NOL4: variants seen among roughly 807,000 people sequenced by gnomAD.
The protein encoded by NOL4 is cancer/testis antigen 125.
Under a neutral mutation model 75.9 loss-of-function variants are expected in NOL4, and 17 were observed. That is an observed-to-expected ratio of 0.22 (90% CI 0.15 to 0.34). The LOEUF is 0.34. Ranked by LOEUF, NOL4 falls within the 10% of genes least tolerant of loss-of-function variation. The pLI, the probability that NOL4 is intolerant of heterozygous loss-of-function variation, is 1.00. For missense variants in NOL4, 614 were observed against 793.5 expected, an observed-to-expected ratio of 0.77 and a Z score of 2.72; for synonymous variants, 292 against 289.9, an observed-to-expected ratio of 1.01 and a Z score of -0.07.
intron 2 of NOL4, among the ~76,000 whole-genome samples, chr18:34,126,004 A>G (rs902401345): frequency 4.0e-5 from 6 of 151,884 alleles, no homozygotes; most frequent in African/African-American, 1.5e-4. Context: ...AGTTATTACT[A>G]TTCCTGTCTA....
intron 1 of NOL4, among the ~76,000 whole-genome samples, chr18:34,194,741 T>C (rs1323305037): frequency 1.3e-5 from 2 of 152,084 alleles, no homozygotes; most frequent in East Asian, 3.9e-4. Context: ...ACTACCTACC[T>C]AGGCTGGGTG....
chr18:33,860,493 G>C (rs1388436787), intron 10 of NOL4, among the ~76,000 whole-genome samples: 1 of 151,934 alleles, frequency 6.6e-6, no homozygotes, highest in African/African-American at 2.4e-5. Flanking sequence ...TACTTCCTGA[G>C]ACTTTGCTGA....
At chr18:34,023,915 G>A (rs1331996738) in intron 5 of NOL4, among the ~76,000 whole-genome samples, 2 of 151,842 alleles carry the variant, frequency 1.3e-5, no homozygotes, top group African/African-American at 2.4e-5. Flanking sequence ...TGAATTAGTA[G>A]AGACCCTAGA....
intron 6 of NOL4, among the ~76,000 whole-genome samples, chr18:33,999,777 G>A (rs796657667): frequency 3.9e-5 from 6 of 151,952 alleles, no homozygotes; most frequent in African/African-American, 9.7e-5. Context: ...TCAGCCTCCC[G>A]AGTAGCTGGA....
At chr18:34,196,280 C>T (rs1470692485) in intron 1 of NOL4, among the ~76,000 whole-genome samples, 2 of 152,042 alleles carry the variant, frequency 1.3e-5, no homozygotes, top group African/African-American at 2.4e-5. Context: ...TAAGGACAGT[C>T]AACTAGCTTA....
intron 5 of NOL4, among the ~76,000 whole-genome samples, chr18:34,081,246 A>G (rs9946634): frequency 0.013 from 2,032 of 152,308 alleles, 48 homozygotes; most frequent in African/African-American, 0.047. Flanking sequence ...AGTAACTTCA[A>G]TTAATAATAT....
At chr18:34,031,716 C>T (rs2075647982) in intron 5 of NOL4, among the ~76,000 whole-genome samples, 1 of 152,310 alleles carries the variant, frequency 6.6e-6, no homozygotes, top group South Asian at 2.1e-4. Context: ...GAGGCATCTG[C>T]TCACCTGAAA....
chr18:34,152,148 T>TA (rs2081668673), intron 1 of NOL4, among the ~76,000 whole-genome samples: 1 of 151,928 alleles, frequency 6.6e-6, no homozygotes. Context: ...TAACTTATTT[T>TA]AATGTTATTT....
At chr18:34,136,350 T>A (rs561297370) in intron 1 of NOL4, among the ~76,000 whole-genome samples, 1 of 152,062 alleles carries the variant, frequency 6.6e-6, no homozygotes, top group African/African-American at 2.4e-5. Flanking sequence ...GGAAAATTAA[T>A]CAGGGAAAAG....
Position 33,852,973 on chromosome 18 carries a change from T to G in NOL4, c.1786A>C (p.Asn596His). 6.2e-7 allele frequency: 1 copy of G among 1,613,194 alleles called. No homozygotes were observed. Among genetic ancestry groups the G allele is most frequent in the Non-Finnish European group, 8.5e-7 (1 of 1,179,464 alleles). ...GTTGGACTCAGCTGGGGTCTGGAGTTTGAGCTGCTGGAGGATCCTGAGCTA... is the reference window on the plus strand; with the variant it reads ...GTTGGACTCAGCTGGGGTCTGGAGTGTGAGCTGCTGGAGGATCCTGAGCTA... ...ATSSGSSSSSNSRPQLSPTEI... is the reference protein window; with the variant it reads ...ATSSGSSSSSHSRPQLSPTEI... The change falls in exon 11 of 11, where the codon AAC (asparagine) becomes CAC (histidine). Residue 596 changes from asparagine (N) to histidine (H), a missense_variant. Transcript: ENST00000261592.
intron 9 of NOL4, among the ~76,000 whole-genome samples, chr18:33,916,357 T>C (rs1171818859): frequency 6.6e-6 from 1 of 152,128 alleles, no homozygotes. Context: ...AGGTAACTCT[T>C]CAGCCTCTCG....
At chr18:33,866,676 C>T (rs1406466638) in intron 10 of NOL4, among the ~76,000 whole-genome samples, 4 of 152,068 alleles carry the variant, frequency 2.6e-5, no homozygotes, top group African/African-American at 9.7e-5. Context: ...GAATCAGTGT[C>T]CCAGCAGTTT....
intron 1 of NOL4, among the ~76,000 whole-genome samples, chr18:34,203,717 T>TCTCTCACACACACACACACA (rs1261546835): frequency 1.4e-5 from 1 of 72,264 alleles, no homozygotes; most frequent in Non-Finnish European, 2.7e-5. Flanking sequence ...TCTCTCTCTC[T>TCTCTCACACACACACACACA]CACACACACA....
At chr18:34,024,194 A>AATATATATATATATCTATATATATATAT (rs2075223709) in intron 5 of NOL4, among the ~76,000 whole-genome samples, 1 of 70,698 alleles carries the variant, frequency 1.4e-5, no homozygotes, top group African/African-American at 5.3e-5. Flanking sequence ...AAAAAAAAAA[A>AATATATATATATATCTATATATATATAT]ATATATATAT....
At chr18:34,157,847 G>A (rs908513736) in intron 1 of NOL4, among the ~76,000 whole-genome samples, 1 of 152,150 alleles carries the variant, frequency 6.6e-6, no homozygotes, top group South Asian at 2.1e-4. Flanking sequence ...TGACCTTTGG[G>A]AGAGGTAGGA....
intron 10 of NOL4, among the ~76,000 whole-genome samples, chr18:33,866,711 C>T (rs2063445126): frequency 6.6e-6 from 1 of 152,046 alleles, no homozygotes; most frequent in Admixed American, 6.6e-5. Flanking sequence ...GCGAAAGACT[C>T]CTAGCATGCT....
chr18:34,097,262 C>T (rs1200997674), intron 4 of NOL4, among the ~76,000 whole-genome samples: 1 of 152,190 alleles, frequency 6.6e-6, no homozygotes, highest in Non-Finnish European at 1.5e-5. Context: ...CACCAATCTT[C>T]TCTTCTGTTG....
intron 9 of NOL4, among the ~76,000 whole-genome samples, chr18:33,900,251 C>T (rs191694208): frequency 3.3e-5 from 5 of 152,180 alleles, no homozygotes; most frequent in African/African-American, 9.6e-5. Context: ...TCTTAAACAA[C>T]CAGCTCTTGG....
In NOL4 at chr18:34,140,236, T is replaced by C. The variant is rs1052324508; in HGVS notation, c.265-10216A>G. ...TGAGTTCGATTCCTGGATATCCTTGTTAACATTCTGTCCCGTTGATCTGTC... is the reference window on the plus strand; with the variant it reads ...TGAGTTCGATTCCTGGATATCCTTGCTAACATTCTGTCCCGTTGATCTGTC... On this transcript the variant is annotated intron_variant, in intron 1 of 10. Coordinates refer to ENST00000261592, the MANE Select transcript of NOL4 (RefSeq NM_003787.5). Among the ~76,000 whole-genome samples, 4 of 152,196 alleles carry C rather than the reference T, an allele frequency of 2.6e-5. No homozygotes were observed. In the South Asian group the frequency reaches 8.3e-4, roughly 32 times the overall value.
Sources: allele counts gnomAD v4.1 joint callset (sites outside exome capture counted in the v4.1 genomes callset), GRCh38; gene constraint gnomAD v4.1.1; transcripts MANE v1.5; gene names NCBI Gene and HGNC (gene_info 2026-07-23, HGNC 2026-07-21).